KLHL1: variants seen among roughly 807,000 people sequenced by gnomAD.
KLHL1 encodes the protein kelch like family member 1, also known as kelch-like protein 1.
In KLHL1, 47 loss-of-function variants were observed where a neutral mutation model predicts 77.7. That is an observed-to-expected ratio of 0.60 (90% CI 0.48 to 0.77). The LOEUF (loss-of-function observed/expected upper bound fraction) is 0.77, where lower values mean the gene tolerates loss of function less well. Among genes scored for constraint, KLHL1 ranks in the 30% least tolerant of loss-of-function variants. The pLI is 0.00. For missense variants in KLHL1, 925 were observed against 910.8 expected, an observed-to-expected ratio of 1.02 and a Z score of -0.20; for synonymous variants, 360 against 325.2, an observed-to-expected ratio of 1.11 and a Z score of -1.15.
intron 1 of KLHL1, among the ~76,000 whole-genome samples, chr13:70,105,136 T>G (rs1350392423): frequency 1.3e-5 from 2 of 152,032 alleles, no homozygotes; most frequent in Non-Finnish European, 2.9e-5. Context: ...TCTCATAAGA[T>G]AATTTGATTC....
At chr13:70,012,893 A>T (rs1385284859) in intron 1 of KLHL1, among the ~76,000 whole-genome samples, 2 of 107,976 alleles carry the variant, frequency 1.9e-5, no homozygotes, top group East Asian at 4.2e-4. Context: ...ACAGAGCAAG[A>T]TTCTGTATAA....
Position 69,961,351 on chromosome 13 carries a change from T to C in KLHL1, c.774A>G (p.Ile258Met), listed in dbSNP as rs1173058890. 2 of 1,613,008 alleles carry C rather than the reference T, an allele frequency of 1.2e-6. No individual in the cohort carries two copies. Among genetic ancestry groups the C allele is most frequent in the Non-Finnish European group, 1.7e-6 (2 of 1,179,370 alleles). Residue 258 changes from isoleucine (I) to methionine (M), a missense_variant, in exon 3 of 11, where the codon ATA becomes ATG. Ile to Met is a conservative substitution (Grantham distance 10, BLOSUM62 1). Transcript: ENST00000377844. ...AKQEEIKMEG[I>M]DPNALWDLVQ... is the part of the protein sequence containing the mutation. ...CAAGGTCCCAGAGAGCATTGGGGTC[T>C]ATGCCTTCCATTTTGATCTCCTCTT... is the stretch of plus-strand genomic sequence containing the variant.
chr13:69,864,687 C>CA (rs1880307164), intron 5 of KLHL1, among the ~76,000 whole-genome samples: 1 of 152,062 alleles, frequency 6.6e-6, no homozygotes, highest in South Asian at 2.1e-4. Context: ...CATTGATAAG[C>CA]AATTGTTTTC....
At chr13:69,957,284 C>T (rs1183067092) in intron 3 of KLHL1, among the ~76,000 whole-genome samples, 1 of 151,612 alleles carries the variant, frequency 6.6e-6, no homozygotes, top group Non-Finnish European at 1.5e-5. Context: ...CTTTTAAAAA[C>T]AAAAGTAAAG....
intron 1 of KLHL1, among the ~76,000 whole-genome samples, chr13:70,039,500 A>C (rs1215719939): frequency 6.6e-6 from 1 of 152,106 alleles, no homozygotes; most frequent in Non-Finnish European, 1.5e-5. Flanking sequence ...TTTTCTCCAA[A>C]ATTAACTCAT....
At chr13:69,779,967 C>A (rs1383618378) in intron 7 of KLHL1, among the ~76,000 whole-genome samples, 1 of 152,046 alleles carries the variant, frequency 6.6e-6, no homozygotes, top group East Asian at 1.9e-4. Flanking sequence ...CCACACCCAA[C>A]TAATTTTCGT....
intron 6 of KLHL1, among the ~76,000 whole-genome samples, chr13:69,821,754 G>A (rs976502120): frequency 1.3e-5 from 2 of 152,072 alleles, no homozygotes; most frequent in African/African-American, 2.4e-5. Context: ...CCCTCATTTT[G>A]TACTCTCCAT....
At chr13:70,078,874 A>T (rs1307798652) in intron 1 of KLHL1, among the ~76,000 whole-genome samples, 1 of 152,232 alleles carries the variant, frequency 6.6e-6, no homozygotes, top group Non-Finnish European at 1.5e-5. Flanking sequence ...TGAAAAGTGA[A>T]TATGTTGAAA....
intron 7 of KLHL1, among the ~76,000 whole-genome samples, chr13:69,778,962 A>ATTATT (rs1875981156): frequency 6.6e-6 from 1 of 151,368 alleles, no homozygotes; most frequent in East Asian, 2.0e-4. Flanking sequence ...CCATACCCAG[A>ATTATT]TTATTTTTTG....
chr13:69,786,876 G>A (rs1876579345), intron 7 of KLHL1, among the ~76,000 whole-genome samples: 1 of 152,162 alleles, frequency 6.6e-6, no homozygotes, highest in Non-Finnish European at 1.5e-5. Context: ...GACAAACAGA[G>A]CCGAATCATG....
intron 1 of KLHL1, among the ~76,000 whole-genome samples, chr13:70,013,336 A>G (rs879863466): frequency 2.0e-5 from 3 of 152,226 alleles, no homozygotes; most frequent in Non-Finnish European, 2.9e-5. Flanking sequence ...AATGGTAATG[A>G]TATATTACAT....
intron 1 of KLHL1, among the ~76,000 whole-genome samples, chr13:70,029,632 C>T (rs1886045010): frequency 6.6e-6 from 1 of 152,132 alleles, no homozygotes; most frequent in Non-Finnish European, 1.5e-5. Context: ...ACAACTGGTA[C>T]CAGCCACTGC....
rs577762864 is a variant in KLHL1, at chr13:70,062,030, CA to C, written c.497+45172del. ...ATATTCACCCTGCAGTGCTGAAGAACACCAGAATTCATTCCTCCTGTCTAGT... is the reference window on the plus strand; with the variant it reads ...ATATTCACCCTGCAGTGCTGAAGAACCCAGAATTCATTCCTCCTGTCTAGT... On this transcript the variant is annotated intron_variant, in intron 1 of 10. Transcript: ENST00000377844. Among the ~76,000 whole-genome samples the C allele has an allele frequency of 2.0e-5, 3 of 152,272 alleles. No individual in the cohort carries two copies. In the East Asian group the frequency reaches 5.8e-4, roughly 29 times the overall value.
rs906712602 is a variant in KLHL1 at position 69,754,079 on chromosome 13, C to A, written c.1640-13523G>T. 6.6e-5 allele frequency among the ~76,000 whole-genome samples: 10 copies of A among 151,858 alleles called. No individual in the cohort carries two copies. The South Asian group carries it at 1.0e-3, about 16-fold the overall frequency. On this transcript the variant is annotated intron_variant, in intron 7 of 10. Coordinates refer to ENST00000377844, the MANE Select transcript of KLHL1 (RefSeq NM_020866.3). ...ATGGTCTCGAACTCCTGGGCTCAAG[C>A]AATCCACCTGCCTCAGCCTCCCAAA...
intron 1 of KLHL1, among the ~76,000 whole-genome samples, chr13:70,003,943 T>C (rs528393817): frequency 9.9e-5 from 15 of 151,894 alleles, no homozygotes; most frequent in African/African-American, 3.4e-4. Flanking sequence ...AGAAGAGATA[T>C]AACAAGGATA....
At chr13:69,932,084 A>G (rs1390408573) in intron 4 of KLHL1, among the ~76,000 whole-genome samples, 2 of 151,758 alleles carry the variant, frequency 1.3e-5, no homozygotes, top group Non-Finnish European at 3.0e-5. Flanking sequence ...TTATTCATCT[A>G]TTCTTTCTTT....
intron 7 of KLHL1, among the ~76,000 whole-genome samples, chr13:69,747,612 T>C (rs1874273109): frequency 6.6e-6 from 1 of 151,956 alleles, no homozygotes; most frequent in Non-Finnish European, 1.5e-5. Context: ...AAAGAGAATA[T>C]ATATAAAGGT....
chr13:69,864,683 T>C (rs896251886), intron 5 of KLHL1, among the ~76,000 whole-genome samples: 3 of 152,192 alleles, frequency 2.0e-5, no homozygotes, highest in Non-Finnish European at 2.9e-5. Flanking sequence ...TATACATTGA[T>C]AAGCAATTGT....
At position 69,865,887 on chromosome 13, in the gene KLHL1, G is replaced by A. The variant is rs913537326; in HGVS notation, c.1227+16396C>T. ...TTAAATAGATCTTTATATTTCAGGC[G>A]TAATTTATTTATCTGCCCAATTTTA... On this transcript the variant is annotated intron_variant, in intron 5 of 10. Coordinates refer to ENST00000377844, the MANE Select transcript of KLHL1 (RefSeq NM_020866.3). Among the ~76,000 whole-genome samples the A allele has an allele frequency of 4.6e-5, 7 of 151,978 alleles. No individual in the cohort carries two copies. In the East Asian group the frequency reaches 5.8e-4, roughly 13 times the overall value.
Sources: gnomAD v4.1 joint callset for allele counts (sites outside exome capture counted in the v4.1 genomes callset) on GRCh38, gnomAD v4.1.1 for gene constraint, MANE v1.5 for transcripts, NCBI Gene and HGNC (gene_info 2026-07-23, HGNC 2026-07-21) for gene names.